RPS6KA5: variants seen among roughly 807,000 people sequenced by gnomAD.
RPS6KA5 encodes ribosomal protein S6 kinase A5.
RPS6KA5 carries 27 observed loss-of-function variants against 85.5 expected under a neutral mutation model. That is an observed-to-expected ratio of 0.32 (90% CI 0.23 to 0.44). The LOEUF is 0.44. Among genes scored for constraint, RPS6KA5 ranks in the 20% least tolerant of loss-of-function variants. RPS6KA5 has a pLI of 1.00. For synonymous variants in RPS6KA5, 334 were observed against 348.2 expected (o/e 0.96, Z 0.46); for missense variants, 811 against 980.9 (o/e 0.83, Z 2.31).
chr14:90,909,995 C>T (rs978175773), intron 7 of RPS6KA5, among the ~76,000 whole-genome samples: 11 of 152,000 alleles, frequency 7.2e-5, no homozygotes, highest in African/African-American at 1.9e-4. Context: ...AGACTGGTCT[C>T]GAACTCCTGA....
At chr14:91,048,965 C>T (rs139790408) in intron 1 of RPS6KA5, among the ~76,000 whole-genome samples, 433 of 152,330 alleles carry the variant, frequency 2.8e-3, no homozygotes, top group South Asian at 4.4e-3. Context: ...GAAGCTGAGG[C>T]TTCAGAATAT....
chr14:91,008,380 G>C (rs1595461029), intron 1 of RPS6KA5, among the ~76,000 whole-genome samples: 2 of 152,180 alleles, frequency 1.3e-5, no homozygotes, highest in South Asian at 4.1e-4. Context: ...TAAGATATGA[G>C]AAATGTAAGT....
intron 1 of RPS6KA5, among the ~76,000 whole-genome samples, chr14:91,049,947 C>T (rs1232832845): frequency 1.3e-5 from 2 of 152,208 alleles, no homozygotes; most frequent in African/African-American, 4.8e-5. Context: ...AATACAGTAA[C>T]GCAATTTCAT....
Position 91,056,198 on chromosome 14 carries a change from T to C in RPS6KA5, c.103+4134A>G, listed in dbSNP as rs1047905461. ...ACTTCCTCGACCTTCTCCTCAATGT[T>C]AGGCTCTCTCTCCTAATAACAGGCA... On this transcript the variant is annotated intron_variant, in intron 1 of 16. Transcript: ENST00000614987. Among the ~76,000 whole-genome samples, 4 of 152,348 alleles carry C rather than the reference T, an allele frequency of 2.6e-5. No individual in the cohort carries two copies. The South Asian group carries it at 8.3e-4, about 32-fold the overall frequency.
At chr14:90,913,234 T>C (rs2035929151) in intron 7 of RPS6KA5, among the ~76,000 whole-genome samples, 1 of 151,998 alleles carries the variant, frequency 6.6e-6, no homozygotes, top group Non-Finnish European at 1.5e-5. Flanking sequence ...CTTATTTCCC[T>C]CTTCTGCCCA....
chr14:91,037,290 T>C (rs2042444004), intron 1 of RPS6KA5, among the ~76,000 whole-genome samples: 1 of 152,204 alleles, frequency 6.6e-6, no homozygotes, highest in South Asian at 2.1e-4. Context: ...CTGTCATCTT[T>C]CTTGCCCCAT....
intron 2 of RPS6KA5, among the ~76,000 whole-genome samples, chr14:90,994,121 C>T (rs879844869): frequency 1.3e-5 from 2 of 152,130 alleles, no homozygotes; most frequent in Non-Finnish European, 2.9e-5. Context: ...GGGATTCTCC[C>T]ACCTCAGCTT....
At position 90,861,622 on chromosome 14, in the gene RPS6KA5, A is replaced by T. The variant is rs2140112989; in HGVS notation, c.*10452T>A. Reference sequence around the variant, plus strand: ...AAATACATGACAACAATAACATAAAAGGAAGAAGGGGGAATACCTGTAATC... The same window carrying T: ...AAATACATGACAACAATAACATAAATGGAAGAAGGGGGAATACCTGTAATC... On this transcript the variant is annotated 3_prime_UTR_variant, in exon 17 of 17. Coordinates refer to ENST00000614987, the MANE Select transcript of RPS6KA5 (RefSeq NM_004755.4). 1 of 150,820 alleles carries T rather than the reference A, an allele frequency of 6.6e-6. No homozygotes were observed. The highest frequency in any genetic ancestry group is 2.4e-5 in the African/African-American group (1 of 40,956). 9.3% of individuals were successfully genotyped at this position (150,820 alleles called of 1,614,324 possible).
intron 3 of RPS6KA5, among the ~76,000 whole-genome samples, chr14:90,964,781 G>A (rs1269526617): frequency 2.0e-5 from 3 of 151,640 alleles, no homozygotes; most frequent in Non-Finnish European, 2.9e-5. Flanking sequence ...CAGGAGTGGT[G>A]GTGTGCACCT....
At chr14:90,892,506 A>G (rs2034619057) in intron 13 of RPS6KA5, among the ~76,000 whole-genome samples, 1 of 152,226 alleles carries the variant, frequency 6.6e-6, no homozygotes, top group Non-Finnish European at 1.5e-5. Context: ...GTAACCATTC[A>G]ATCCCCTTTT....
At chr14:91,023,914 A>G (rs1055109377) in intron 1 of RPS6KA5, among the ~76,000 whole-genome samples, 1 of 152,142 alleles carries the variant, frequency 6.6e-6, no homozygotes, top group African/African-American at 2.4e-5. Flanking sequence ...ATCATTATCA[A>G]TTTTCCCCAG....
At position 90,870,925 on chromosome 14, in the gene RPS6KA5, T is replaced by C. The variant is rs1049919637; in HGVS notation, c.*1149A>G. 2.0e-5 allele frequency: 3 copies of C among 152,384 alleles called. No homozygotes were observed. The highest frequency in any genetic ancestry group is 2.9e-5 in the Non-Finnish European group (2 of 67,976). The allele number at this position is 152,384 out of a possible 1,614,324, so 9.4% of individuals were successfully genotyped here. A position where few individuals can be genotyped will look rare whatever the true frequency, so the allele number is the denominator to read the frequency against. On this transcript the variant is annotated 3_prime_UTR_variant, in exon 17 of 17. Coordinates refer to ENST00000614987, the MANE Select transcript of RPS6KA5 (RefSeq NM_004755.4). The stretch of plus-strand genomic sequence containing the variant: ...TGTTTTCTGTATGAATTCAGAACTT[T>C]TGAGCAATAAAAGTGCTCTGCATAA...
chr14:90,874,933 A>G (rs374453771), intron 15 of RPS6KA5, among the ~76,000 whole-genome samples: 3 of 152,152 alleles, frequency 2.0e-5, no homozygotes, highest in South Asian at 2.1e-4. Context: ...TTTGGGGGGA[A>G]GGACAGTCAA....
chr14:91,032,809 C>T (rs2042240915), intron 1 of RPS6KA5, among the ~76,000 whole-genome samples: 1 of 151,322 alleles, frequency 6.6e-6, no homozygotes, highest in African/African-American at 2.4e-5. Flanking sequence ...GAAAAACATA[C>T]AACAGAAAAA....
At chr14:90,925,777 A>T (rs1023162685) in intron 5 of RPS6KA5, among the ~76,000 whole-genome samples, 6 of 132,186 alleles carry the variant, frequency 4.5e-5, no homozygotes, top group East Asian at 2.1e-4. Flanking sequence ...CAAAAAAATT[A>T]AAAAAAAAAA....
At chr14:90,984,148 A>G (rs1266829021) in intron 2 of RPS6KA5, among the ~76,000 whole-genome samples, 1 of 152,114 alleles carries the variant, frequency 6.6e-6, no homozygotes. Flanking sequence ...ACTCGGCCTG[A>G]GATCATGAAG....
intron 3 of RPS6KA5, among the ~76,000 whole-genome samples, chr14:90,955,578 TTTC>T (rs1295531440): frequency 1.3e-5 from 2 of 152,202 alleles, no homozygotes; most frequent in Non-Finnish European, 2.9e-5. Context: ...TTGTTATTGA[TTTC>T]TTTTCTCATT....
chr14:91,037,839 C>A (rs10151857), intron 1 of RPS6KA5, among the ~76,000 whole-genome samples: 2,321 of 152,318 alleles, frequency 0.015, 69 homozygotes, highest in African/African-American at 0.052. Flanking sequence ...CCAGCCCACT[C>A]CAGGCAAGAC....
chr14:90,974,624 T>C (rs762108320), intron 3 of RPS6KA5, among the ~76,000 whole-genome samples: 4 of 152,174 alleles, frequency 2.6e-5, no homozygotes, highest in Non-Finnish European at 4.4e-5. Context: ...GATACTACCA[T>C]GCTATGAAAA....
Sources: allele counts gnomAD v4.1 joint callset (sites outside exome capture counted in the v4.1 genomes callset), GRCh38; gene constraint gnomAD v4.1.1; transcripts MANE v1.5; gene names NCBI Gene and HGNC (gene_info 2026-07-23, HGNC 2026-07-21).